ABCG2: variants seen among roughly 807,000 people sequenced by gnomAD.
ABCG2 encodes broad substrate specificity ATP-binding cassette transporter ABCG2.
In ABCG2, 80 loss-of-function variants were observed where a neutral mutation model predicts 73.5. The ratio of observed to expected loss-of-function variants is 1.09; its 90% CI spans 0.91 to 1.31. The LOEUF (loss-of-function observed/expected upper bound fraction) is 1.31. Among genes scored for constraint, ABCG2 ranks in the 50% most tolerant of loss-of-function variants. The probability of loss-of-function intolerance (pLI) is 0.00; values close to 1 mark genes in which losing one functional copy is unlikely to be tolerated. For missense variants in ABCG2, 796 were observed against 786.2 expected, an observed-to-expected ratio of 1.01 and a Z score of -0.15; for synonymous variants, 269 against 282.4, an observed-to-expected ratio of 0.95 and a Z score of 0.48.
chr4:88,227,029 G>T (rs923830857), intron 1 of ABCG2, among the ~76,000 whole-genome samples: 1 of 152,146 alleles, frequency 6.6e-6, no homozygotes, highest in Non-Finnish European at 1.5e-5. Context: ...GAAGCCTTGA[G>T]GTAGAGGCTG....
At chr4:88,146,092 G>T (rs1190299027) in intron 1 of ABCG2, among the ~76,000 whole-genome samples, 3 of 152,154 alleles carry the variant, frequency 2.0e-5, no homozygotes, top group Non-Finnish European at 4.4e-5. Flanking sequence ...AAAGGTTAAG[G>T]CTTTGAGAGG....
At chr4:88,120,661 A>G (rs1464255511) in intron 6 of ABCG2, among the ~76,000 whole-genome samples, 3 of 152,114 alleles carry the variant, frequency 2.0e-5, no homozygotes, top group Admixed American at 2.0e-4. Context: ...GAACAGGTGT[A>G]TTTACCCAAT....
At chr4:88,158,760 C>T, upstream of ABCG2, 1 of 377,358 alleles carries the variant, frequency 2.7e-6, no homozygotes, top group Admixed American at 3.3e-5. Context: ...GCGCGGCGGC[C>T]GGCGTGGGAG....
intron 1 of ABCG2, among the ~76,000 whole-genome samples, chr4:88,187,626 A>G (rs780968888): frequency 2.0e-5 from 3 of 152,176 alleles, no homozygotes. Context: ...AAATAAATAA[A>G]TAAAGGATAA....
At chr4:88,196,822 C>T (rs903317412) in intron 1 of ABCG2, among the ~76,000 whole-genome samples, 1 of 151,252 alleles carries the variant, frequency 6.6e-6, no homozygotes, top group Non-Finnish European at 1.5e-5. Context: ...CATCGGACTG[C>T]GCAGGGAAAT....
At chr4:88,159,856 A>G (rs557565574), upstream of ABCG2, among the ~76,000 whole-genome samples, 1 of 152,292 alleles carries the variant, frequency 6.6e-6, no homozygotes, top group East Asian at 1.9e-4. Flanking sequence ...GCGCCCAAAC[A>G]TTTGGGTAAA....
At chr4:88,189,520 T>TATAAATAAATAA (rs144119456) in intron 1 of ABCG2, among the ~76,000 whole-genome samples, 10 of 147,862 alleles carry the variant, frequency 6.8e-5, no homozygotes, top group African/African-American at 1.0e-4. Flanking sequence ...CATCTAAAAA[T>TATAAATAAATAA]ATAAATAAAT....
At chr4:88,173,243 A>G (rs1212436082) in intron 1 of ABCG2, among the ~76,000 whole-genome samples, 1 of 152,190 alleles carries the variant, frequency 6.6e-6, no homozygotes, top group South Asian at 2.1e-4. Context: ...CTAGTGGCCA[A>G]TCTTTGTTTC....
intron 15 of ABCG2, among the ~76,000 whole-genome samples, chr4:88,093,985 G>T (rs1264786707): frequency 6.6e-6 from 1 of 152,036 alleles, no homozygotes; most frequent in African/African-American, 2.4e-5. Context: ...CGATTGATAG[G>T]GAGTATTCCA....
intron 2 of ABCG2, among the ~76,000 whole-genome samples, chr4:88,139,410 C>T (rs141841519): frequency 3.3e-5 from 5 of 152,162 alleles, no homozygotes; most frequent in East Asian, 3.9e-4. Context: ...CACACCACCA[C>T]GCCCAGCTAA....
chr4:88,092,331 C>A lies in ABCG2; in HGVS notation c.1871G>T (p.Trp624Leu). Residue 624 changes from tryptophan (W) to leucine (L), a missense_variant, in exon 16 of 16, where the codon TGG (tryptophan) becomes TTG (leucine). Physicochemically the swap from Trp to Leu is moderately conservative, Grantham distance 61. Transcript: ENST00000237612. ...GGCCACGTGATTCTTCCACAAGCCC[C>A]AGGGTGAGAGATCGATGCCCTGCTT... ...LVKQGIDLSP[W>L]GLWKNHVALA... 1 of 1,613,792 alleles carries A rather than the reference C, an allele frequency of 6.2e-7. No homozygotes were observed. Among genetic ancestry groups the A allele is most frequent in the South Asian group, 1.1e-5 (1 of 90,954 alleles).
intron 1 of ABCG2, among the ~76,000 whole-genome samples, chr4:88,224,716 A>C (rs539553217): frequency 6.6e-6 from 1 of 152,260 alleles, no homozygotes; most frequent in South Asian, 2.1e-4. Flanking sequence ...GATGAAGTCC[A>C]ATTTATCTAA....
chr4:88,113,415 A>ATCT lies in ABCG2; in HGVS notation c.1079_1081dup (p.Lys360dup), dbSNP rs750972998. 5 of 1,613,588 alleles carry ATCT rather than the reference A, an allele frequency of 3.1e-6. No homozygotes were observed. Among genetic ancestry groups the ATCT allele is most frequent in the African/African-American group, 1.3e-5 (1 of 75,002 alleles). On this transcript the variant is annotated inframe_insertion, in exon 9 of 16. Transcript: ENST00000237612. ...GTAGCTGATCTCCTTGAAGACTGTG[A>ATCT]TCTTCTTCTTCTTCTCACCCCCGGA...
upstream of ABCG2, chr4:88,163,995 GT>G (rs1308536149): frequency 1.3e-5 from 2 of 152,714 alleles, no homozygotes; most frequent in Admixed American, 1.3e-4. Flanking sequence ...CATCAAATAA[GT>G]TATAAAATTG....
chr4:88,170,155 T>C (rs1022873102), intron 1 of ABCG2, among the ~76,000 whole-genome samples: 3 of 152,146 alleles, frequency 2.0e-5, no homozygotes, highest in African/African-American at 7.2e-5. Context: ...CTTTTTTTCT[T>C]TCCTCCTTTC....
chr4:88,211,476 G>C (rs1401178429), intron 1 of ABCG2, among the ~76,000 whole-genome samples: 1 of 151,664 alleles, frequency 6.6e-6, no homozygotes. Context: ...GAGTGCAATG[G>C]CGCGATCTCC....
chr4:88,186,742 A>G (rs1426785546), intron 1 of ABCG2, among the ~76,000 whole-genome samples: 2 of 149,848 alleles, frequency 1.3e-5, no homozygotes, highest in African/African-American at 2.5e-5. Flanking sequence ...AAACGGTGAA[A>G]CCCCGTCTCT....
In ABCG2 at chr4:88,092,258, C is replaced by T. The variant is rs1721683683; in HGVS notation, c.1944G>A (p.Leu648=). Residue 648 remains leucine (L), a synonymous_variant, in exon 16 of 16, where the codon TTG becomes TTA. Transcript: ENST00000237612. ...VIFLTIAYLK[L]LFLKKYS The stretch of plus-strand genomic sequence containing the variant: ...TTTAAGAATATTTTTTAAGAAATAA[C>T]AATTTCAGGTAGGCAATTGTGAGGA... 1 of 1,608,474 alleles carries T rather than the reference C, an allele frequency of 6.2e-7. No individual in the cohort carries two copies. The highest frequency in any genetic ancestry group is 1.3e-5 in the African/African-American group (1 of 74,704).
chr4:88,134,964 G>T (rs1295999177), intron 2 of ABCG2, among the ~76,000 whole-genome samples: 2 of 152,138 alleles, frequency 1.3e-5, no homozygotes, highest in Non-Finnish European at 2.9e-5. Flanking sequence ...TCTAGTCCAG[G>T]GATCAGCAGT....
Sources: allele counts gnomAD v4.1 joint callset (sites outside exome capture counted in the v4.1 genomes callset), GRCh38; gene constraint gnomAD v4.1.1; transcripts MANE v1.5; gene names NCBI Gene and HGNC (gene_info 2026-07-23, HGNC 2026-07-21).